Variants in CPEB4 observed in about 807,000 individuals in gnomAD.
CPEB4 encodes the protein cytoplasmic polyadenylation element-binding protein 4.
A neutral mutation model predicts 72.5 loss-of-function variants in CPEB4; 12 were observed. The observed-to-expected ratio is 0.17, with a 90% confidence interval of 0.11 to 0.27. The LOEUF (loss-of-function observed/expected upper bound fraction) is 0.27. CPEB4 is among the 10% of genes least tolerant of loss of function. The pLI, the probability that CPEB4 is intolerant of heterozygous loss-of-function variation, is 1.00. For missense variants in CPEB4, 614 were observed against 908.5 expected, an observed-to-expected ratio of 0.68 and a Z score of 4.17; for synonymous variants, 302 against 326.3, an observed-to-expected ratio of 0.93 and a Z score of 0.80.
chr5:173,889,887 A>G lies in CPEB4; in HGVS notation c.154A>G (p.Asn52Asp), dbSNP rs756286640. The stretch of plus-strand genomic sequence containing the variant: ...TTTTATAAATAATAACACAGCTGCC[A>G]ATGGCAGCAGTGCTGGGTCAGCTTG... The part of the protein sequence containing the change: ...AAFINNNTAA[N>D]GSSAGSAWLF... Residue 52 changes from asparagine (N) to aspartate (D), a missense_variant, in exon 1 of 10, where the codon AAT (asparagine) becomes GAT (aspartate). This residue lies in a region of CPEB4 where 458 missense variants were observed against 548.6 expected (regional missense o/e 0.83). Transcript: ENST00000265085. 2 of 1,614,200 alleles carry G rather than the reference A, an allele frequency of 1.2e-6. No homozygotes were observed. The highest frequency in any genetic ancestry group is 1.7e-6 in the Non-Finnish European group (2 of 1,180,016).
At chr5:173,948,996 T>C (rs1384116274) in intron 5 of CPEB4, among the ~76,000 whole-genome samples, 3 of 152,130 alleles carry the variant, frequency 2.0e-5, no homozygotes, top group Admixed American at 6.5e-5. Flanking sequence ...AGTCATTCTA[T>C]AGAATGAATA....
At chr5:173,937,019 CTTTTTTTTTTT>C (rs150187685) in intron 3 of CPEB4, among the ~76,000 whole-genome samples, 2 of 97,214 alleles carry the variant, frequency 2.1e-5, no homozygotes, top group African/African-American at 8.1e-5. Flanking sequence ...CATTTCTTTC[CTTTTTTTTTTT>C]TTTTTTTTTT....
In CPEB4 at chr5:173,959,689, T is replaced by G. The variant is rs1327159999; in HGVS notation, c.*3552T>G. On this transcript the variant is annotated 3_prime_UTR_variant, in exon 10 of 10. Coordinates refer to ENST00000265085, the MANE Select transcript of CPEB4 (RefSeq NM_030627.4). ...AATCAGAAATCAATCTTTCTACTAA[T>G]GTAAATTTGAGATTATTTTTAAAAA... 1.3e-5 allele frequency: 2 copies of G among 152,716 alleles called. No homozygotes were observed. Among genetic ancestry groups the G allele is most frequent in the African/African-American group, 2.4e-5 (1 of 41,466 alleles). 9.5% of individuals were successfully genotyped at this position (152,716 alleles called of 1,614,324 possible). A position where few individuals can be genotyped will look rare whatever the true frequency, so the allele number is the denominator to read the frequency against.
intron 1 of CPEB4, among the ~76,000 whole-genome samples, chr5:173,894,083 C>T (rs573639646): frequency 9.2e-5 from 14 of 152,194 alleles, no homozygotes; most frequent in African/African-American, 3.1e-4. Context: ...GCCTTGACCT[C>T]CCTGGGCTCA....
chr5:173,948,988 T>C (rs1758128716), intron 5 of CPEB4, among the ~76,000 whole-genome samples: 1 of 152,140 alleles, frequency 6.6e-6, no homozygotes, highest in South Asian at 2.1e-4. Context: ...ACCGTAGCAG[T>C]CATTCTATAG....
intron 1 of CPEB4, 48 bp from the exon 2 acceptor site, chr5:173,910,475 A>G (rs2113173477): frequency 7.7e-7 from 1 of 1,301,584 alleles, no homozygotes; most frequent in Non-Finnish European, 1.1e-6. Context: ...CCTCTTTTAT[A>G]TTTAAATGCT....
intron 1 of CPEB4, among the ~76,000 whole-genome samples, chr5:173,901,290 C>G (rs1756222463): frequency 6.6e-6 from 1 of 152,156 alleles, no homozygotes; most frequent in South Asian, 2.1e-4. Flanking sequence ...AGGTAATACA[C>G]TGAAGACATT....
chr5:173,890,221 C>G lies in CPEB4; in HGVS notation c.488C>G (p.Ser163Trp). ...TSTQPLTSSA[S>W]SLTGFSNWSA... ...ACCCAACCCTTGACATCTAGCGCAT[C>G]GTCTCTTACTGGTTTCAGTAACTGG... Residue 163 changes from serine to tryptophan, a missense_variant, in exon 1 of 10, where the codon TCG becomes TGG. By Grantham distance (177) the Ser-to-Trp change is radical. Transcript: ENST00000265085. 1 of 1,614,132 alleles carries G rather than the reference C, an allele frequency of 6.2e-7. No individual in the cohort carries two copies. Among genetic ancestry groups the G allele is most frequent in the Non-Finnish European group, 8.5e-7 (1 of 1,179,996 alleles).
chr5:173,953,726 C>CTTT (rs56660397), intron 9 of CPEB4, among the ~76,000 whole-genome samples: 2 of 141,626 alleles, frequency 1.4e-5, no homozygotes, highest in Non-Finnish European at 3.1e-5. Context: ...TCACAGATTT[C>CTTT]TTTTTTTTTT....
At chr5:173,933,421 A>C (rs1478365399) in intron 3 of CPEB4, among the ~76,000 whole-genome samples, 1 of 152,232 alleles carries the variant, frequency 6.6e-6, no homozygotes, top group Non-Finnish European at 1.5e-5. Flanking sequence ...AGGATTGTTG[A>C]GCCAGGAGAA....
At chr5:173,893,875 TA>T (rs1474042641) in intron 1 of CPEB4, among the ~76,000 whole-genome samples, 9 of 152,344 alleles carry the variant, frequency 5.9e-5, no homozygotes, top group African/African-American at 2.2e-4. Flanking sequence ...CAATAACTGA[TA>T]GGGGAAGACA....
Position 173,890,234 on chromosome 5 carries a change from T to G in CPEB4, c.501T>G (p.Gly167=). ...CATCTAGCGCATCGTCTCTTACTGG[T>G]TTCAGTAACTGGTCAGCAGCGATAG... ...PLTSSASSLT[G]FSNWSAAIAP... Residue 167 remains glycine (G), a synonymous_variant, in exon 1 of 10, where the codon GGT becomes GGG. Transcript: ENST00000265085. The G allele has an allele frequency of 6.2e-7, 1 of 1,614,042 alleles. No homozygotes were observed. The highest frequency in any genetic ancestry group is 1.7e-5 in the Admixed American group (1 of 60,016).
In CPEB4 at chr5:173,888,370, A is replaced by G. The variant is rs552888511; in HGVS notation, c.-1364A>G. On this transcript the variant is annotated 5_prime_UTR_variant, in exon 1 of 10. Transcript: ENST00000265085. This position sits in a 1 kb window ranked among gnomAD's most constrained non-coding sequence, Gnocchi z 4.3. Reference sequence around the variant, plus strand: ...TTTCACTCGGCTCGGTCCTGAGGAGAAGGACTCAGCCGCGGCTGCGGGACC... The same window carrying G: ...TTTCACTCGGCTCGGTCCTGAGGAGGAGGACTCAGCCGCGGCTGCGGGACC... The G allele has an allele frequency of 1.1e-5, 5 of 443,798 alleles. No homozygotes were observed. The South Asian group carries it at 3.1e-4, about 28-fold the overall frequency. 27.5% of individuals were successfully genotyped at this position (443,798 alleles called of 1,614,324 possible). A position where few individuals can be genotyped will look rare whatever the true frequency, so the allele number is the denominator to read the frequency against.
chr5:173,948,148 C>CT (rs1228250364), intron 5 of CPEB4, among the ~76,000 whole-genome samples: 1 of 152,148 alleles, frequency 6.6e-6, no homozygotes, highest in African/African-American at 2.4e-5. Flanking sequence ...ATGGAAAACT[C>CT]TTCTACTGCA....
At chr5:173,938,508 T>G (rs1340062063) in intron 3 of CPEB4, among the ~76,000 whole-genome samples, 4 of 152,152 alleles carry the variant, frequency 2.6e-5, no homozygotes, top group Non-Finnish European at 5.9e-5. Flanking sequence ...TTATAGGTGT[T>G]AGCCACCATG....
intron 2 of CPEB4, among the ~76,000 whole-genome samples, chr5:173,915,555 GCA>G (rs1368386128): frequency 6.6e-6 from 1 of 152,082 alleles, no homozygotes; most frequent in Non-Finnish European, 1.5e-5. Flanking sequence ...TTTCTTTGCT[GCA>G]CACTCAGTCT....
At chr5:173,937,452 G>A (rs1384956684) in intron 3 of CPEB4, among the ~76,000 whole-genome samples, 1 of 152,172 alleles carries the variant, frequency 6.6e-6, no homozygotes, top group African/African-American at 2.4e-5. Context: ...GAGAAATGTA[G>A]ATGATGATCA....
Position 173,888,962 on chromosome 5 carries a change from C to G in CPEB4, c.-772C>G, listed in dbSNP as rs1178864467. On this transcript the variant is annotated 5_prime_UTR_variant, in exon 1 of 10. Coordinates refer to ENST00000265085, the MANE Select transcript of CPEB4 (RefSeq NM_030627.4). The surrounding 1 kb of genome is among the most constrained non-coding windows in gnomAD (Gnocchi z 4.3). ...GGGGGAGAGGAAGCCGCGGGGAGCC[C>G]AGGAACAGCGACCGCAGCAAGATCT... 2 of 157,316 alleles carry G rather than the reference C, an allele frequency of 1.3e-5. No individual in the cohort carries two copies. Among genetic ancestry groups the G allele is most frequent in the African/African-American group, 4.8e-5 (2 of 41,512 alleles). The allele number at this position is 157,316 out of a possible 1,614,324, so 9.7% of individuals were successfully genotyped here. A position where few individuals can be genotyped will look rare whatever the true frequency, so the allele number is the denominator to read the frequency against.
In CPEB4 at chr5:173,932,514, G is replaced by T; in HGVS notation, c.1258+14G>T. On this transcript the variant is annotated intron_variant, in intron 3 of 9. Coordinates refer to ENST00000265085, the MANE Select transcript of CPEB4 (RefSeq NM_030627.4). ...TGCTTATTAATGGTAAGTGATAATT[G>T]ATTTACCCTAGTGAAGTGCACAAAA... The T allele has an allele frequency of 6.2e-7, 1 of 1,601,624 alleles. No individual in the cohort carries two copies. The highest frequency in any genetic ancestry group is 1.1e-5 in the South Asian group (1 of 90,404).
Sources: gnomAD v4.1 joint callset for allele counts (sites outside exome capture counted in the v4.1 genomes callset) on GRCh38, gnomAD v4.1.1 for gene constraint, gnomAD v4.1.1 regional missense constraint, Gnocchi (gnomAD v3.1) non-coding constraint, MANE v1.5 for transcripts, NCBI Gene and HGNC (gene_info 2026-07-23, HGNC 2026-07-21) for gene names.